Variants in STK32B observed in about 807,000 individuals in gnomAD.
STK32B encodes the protein serine/threonine-protein kinase 32B.
A neutral mutation model predicts 52.6 loss-of-function variants in STK32B; 43 were observed. That is an observed-to-expected ratio of 0.82 (90% CI 0.64 to 1.05). STK32B has a LOEUF of 1.05. Among genes scored for constraint, STK32B ranks in the 50% least tolerant of loss-of-function variants. The pLI, the probability that STK32B is intolerant of heterozygous loss-of-function variation, is 0.00. For missense variants in STK32B, 621 were observed against 534.6 expected (o/e 1.16, Z -1.59); for synonymous variants, 238 against 204.3 (o/e 1.17, Z -1.41).
chr4:5,290,455 C>G (rs1728828110), intron 3 of STK32B, among the ~76,000 whole-genome samples: 1 of 152,094 alleles, frequency 6.6e-6, no homozygotes, highest in Non-Finnish European at 1.5e-5. Context: ...CAAACATTAG[C>G]CTAGGCCTGC....
Position 5,416,759 on chromosome 4 carries a change from G to A in STK32B, c.473-86G>A, listed in dbSNP as rs181142042. ...ATAGAAGTTCTAATGTTTTCTTCACGGTATCTCACCTTGCAAACCACAGCT... is the reference window on the plus strand; with the variant it reads ...ATAGAAGTTCTAATGTTTTCTTCACAGTATCTCACCTTGCAAACCACAGCT... On this transcript the variant is annotated intron_variant, in intron 5 of 11. Transcript: ENST00000282908. 495 of 1,062,838 alleles carry A rather than the reference G, an allele frequency of 4.7e-4. No homozygotes were observed. Among genetic ancestry groups the A allele is most frequent in the African/African-American group, 3.4e-3 (213 of 62,738 alleles). The allele number at this position is 1,062,838 out of a possible 1,614,324, so 65.8% of individuals were successfully genotyped here.
intron 3 of STK32B, among the ~76,000 whole-genome samples, chr4:5,228,524 AT>A (rs964272217): frequency 6.6e-6 from 1 of 152,084 alleles, no homozygotes; most frequent in Admixed American, 6.6e-5. Context: ...CTGCAATAAA[AT>A]TTTTTTGTCT....
chr4:5,325,144 C>T (rs1036358696), intron 3 of STK32B, among the ~76,000 whole-genome samples: 2 of 152,160 alleles, frequency 1.3e-5, no homozygotes, highest in Non-Finnish European at 1.5e-5. Context: ...TTTTTAATGC[C>T]TTCAGCCTAC....
At chr4:5,142,254 T>C (rs1716531365) in intron 2 of STK32B, among the ~76,000 whole-genome samples, 1 of 152,228 alleles carries the variant, frequency 6.6e-6, no homozygotes, top group Non-Finnish European at 1.5e-5. Flanking sequence ...TATTCAATGG[T>C]CAACTCTATT....
the STK32B span, among the ~76,000 whole-genome samples, chr4:5,025,696 G>C: frequency 1.3e-5 from 2 of 152,064 alleles, no homozygotes; most frequent in Non-Finnish European, 2.9e-5. Flanking sequence ...GTGTTTTCTG[G>C]GCTTGCTCTC....
At chr4:5,325,693 A>G (rs908379629) in intron 3 of STK32B, among the ~76,000 whole-genome samples, 1 of 152,208 alleles carries the variant, frequency 6.6e-6, no homozygotes, top group Non-Finnish European at 1.5e-5. Context: ...TTCACAGCAC[A>G]CAATTTTCTT....
intron 3 of STK32B, among the ~76,000 whole-genome samples, chr4:5,227,709 C>G (rs1273291607): frequency 6.6e-6 from 1 of 152,116 alleles, no homozygotes; most frequent in African/African-American, 2.4e-5. Flanking sequence ...GCTTTCTCCC[C>G]CCCTGGAGAG....
rs796639969 is a variant in STK32B, at chr4:5,143,124, T to TGTCC, written c.108+3167_108+3168insCGTC. Among the ~76,000 whole-genome samples, 338 of 150,608 alleles carry TGTCC rather than the reference T, an allele frequency of 2.2e-3. 10 individuals are homozygous for TGTCC. Among genetic ancestry groups the TGTCC allele is most frequent in the African/African-American group, 5.6e-3 (229 of 41,116 alleles). On this transcript the variant is annotated intron_variant, in intron 2 of 11. Coordinates refer to ENST00000282908, the MANE Select transcript of STK32B (RefSeq NM_018401.3). ...GTCTCTGTCTGTCTGTCTGTCTGTC[T>TGTCC]GTCTGTCTATCTGTCTGTCTATCTG...
intron 3 of STK32B, among the ~76,000 whole-genome samples, chr4:5,203,271 C>T (rs1200503764): frequency 2.6e-5 from 4 of 152,210 alleles, no homozygotes. Flanking sequence ...TGATTTCCCT[C>T]CAGAGGAATT....
intron 3 of STK32B, among the ~76,000 whole-genome samples, chr4:5,196,858 G>A (rs1021937022): frequency 6.6e-6 from 1 of 152,204 alleles, no homozygotes; most frequent in Non-Finnish European, 1.5e-5. Context: ...GGTGAGCACA[G>A]CACTCCACGG....
chr4:5,176,728 G>T (rs1469496671), intron 3 of STK32B, among the ~76,000 whole-genome samples: 2 of 152,254 alleles, frequency 1.3e-5, no homozygotes, highest in South Asian at 4.2e-4. Flanking sequence ...ACAAGCATGA[G>T]TCACTGTGCC....
chr4:5,167,381 A>C (rs909913772), intron 2 of STK32B, among the ~76,000 whole-genome samples: 2 of 152,170 alleles, frequency 1.3e-5, no homozygotes, highest in Non-Finnish European at 2.9e-5. Flanking sequence ...CAAGGAGATG[A>C]TTTGCTCAGT....
chr4:5,429,746 T>A (rs908515866), intron 6 of STK32B, among the ~76,000 whole-genome samples: 2 of 152,148 alleles, frequency 1.3e-5, no homozygotes, highest in African/African-American at 4.8e-5. Flanking sequence ...TTTTGACTAT[T>A]AAAATCTACT....
At chr4:5,244,981 A>C (rs1725332617) in intron 3 of STK32B, among the ~76,000 whole-genome samples, 1 of 152,162 alleles carries the variant, frequency 6.6e-6, no homozygotes, top group Admixed American at 6.5e-5. Flanking sequence ...TTTGCTGAGG[A>C]GTGCTTTACT....
chr4:5,189,246 A>G (rs1358287118), intron 3 of STK32B, among the ~76,000 whole-genome samples: 2 of 152,166 alleles, frequency 1.3e-5, no homozygotes, highest in Non-Finnish European at 2.9e-5. Context: ...AATGATGTGT[A>G]TTCACCACTG....
the STK32B span, among the ~76,000 whole-genome samples, chr4:5,020,731 A>C: frequency 1.2e-5 from 1 of 82,096 alleles, no homozygotes; most frequent in Non-Finnish European, 2.7e-5. Context: ...GCAAGAAGGA[A>C]CTGTCAAAAG....
chr4:5,181,375 T>G (rs1449639123), intron 3 of STK32B, among the ~76,000 whole-genome samples: 1 of 114,872 alleles, frequency 8.7e-6, no homozygotes, highest in South Asian at 3.2e-4. Context: ...CACAGAGATC[T>G]CATTAAGGAT....
intron 3 of STK32B, among the ~76,000 whole-genome samples, chr4:5,230,457 T>C (rs1724186325): frequency 6.6e-6 from 1 of 152,136 alleles, no homozygotes; most frequent in Non-Finnish European, 1.5e-5. Flanking sequence ...CCCAAAGTGC[T>C]GGCATTACAG....
intron 3 of STK32B, among the ~76,000 whole-genome samples, chr4:5,291,352 C>T (rs1366479043): frequency 1.3e-5 from 2 of 152,126 alleles, no homozygotes; most frequent in East Asian, 1.9e-4. Flanking sequence ...TTGTAGTTTT[C>T]AGTGTAAAAG....
Sources: allele counts gnomAD v4.1 joint callset (sites outside exome capture counted in the v4.1 genomes callset), GRCh38; gene constraint gnomAD v4.1.1; transcripts MANE v1.5; gene names NCBI Gene and HGNC (gene_info 2026-07-23, HGNC 2026-07-21).